The following DIAPH2 variants were observed in gnomAD, a reference collection of about 807,000 sequenced individuals.
DIAPH2 encodes protein diaphanous homolog 2.
Under a neutral mutation model 92.7 loss-of-function variants are expected in DIAPH2, and 35 were observed. The observed-to-expected ratio is 0.38, with a 90% CI of 0.29 to 0.50. The LOEUF (loss-of-function observed/expected upper bound fraction) is 0.50. Among genes scored for constraint, DIAPH2 ranks in the 20% least tolerant of loss-of-function variants. The pLI is 0.94. For missense variants in DIAPH2, 701 were observed against 819.5 expected, an observed-to-expected ratio of 0.86 and a Z score of 1.77; for synonymous variants, 301 against 280.4, an observed-to-expected ratio of 1.07 and a Z score of -0.73.
intron 4 of DIAPH2, among the ~76,000 whole-genome samples, chrX:96,785,475 CT>C (rs1157552270): frequency 0.054 from 3,105 of 57,108 alleles, 39 homozygotes; most frequent in East Asian, 0.11. Flanking sequence ...CCAAACTTGC[CT>C]TTTTTTTTTT....
In DIAPH2 at chrX:97,046,993, G is replaced by A. The variant is rs189198458; in HGVS notation, c.2051-25948G>A. Among the ~76,000 whole-genome samples the A allele has an allele frequency of 4.1e-3, 453 of 111,134 alleles. 1 individual carries two copies. The highest frequency in any genetic ancestry group is 6.8e-3 in the Non-Finnish European group (360 of 52,916). On this transcript the variant is annotated intron_variant, in intron 17 of 26. Coordinates refer to ENST00000324765, the MANE Select transcript of DIAPH2 (RefSeq NM_006729.5). ...ATTGAATGGCAGAGGCTGAATTCAG[G>A]AAAAGATGGAGAAGTTAAACTGAGA...
At chrX:97,365,826 C>T (rs1425177500) in intron 24 of DIAPH2, among the ~76,000 whole-genome samples, 1 of 109,282 alleles carries the variant, frequency 9.2e-6, no homozygotes, top group African/African-American at 3.3e-5. Context: ...CCCAGCCTCC[C>T]AAGTAGCTAG....
intron 4 of DIAPH2, among the ~76,000 whole-genome samples, chrX:96,864,316 C>T (rs1292399567): frequency 3.1e-5 from 3 of 96,723 alleles, no homozygotes. Flanking sequence ...TTTTTAACCA[C>T]ATGGCTTTCC....
chrX:97,192,518 G>C (rs1185735092), intron 22 of DIAPH2, among the ~76,000 whole-genome samples: 2 of 110,745 alleles, frequency 1.8e-5, no homozygotes, highest in Admixed American at 1.9e-4. Flanking sequence ...CTAAAACACT[G>C]TTCTGTGAAC....
intron 21 of DIAPH2, among the ~76,000 whole-genome samples, chrX:97,139,455 TA>T (rs1327517225): frequency 9.5e-6 from 1 of 104,997 alleles, no homozygotes; most frequent in Non-Finnish European, 2.0e-5. Flanking sequence ...TTTTTTTTTT[TA>T]AAAAAAAACA....
At chrX:97,598,856 G>A (rs1187447090) in intron 26 of DIAPH2, among the ~76,000 whole-genome samples, 1 of 112,117 alleles carries the variant, frequency 8.9e-6, no homozygotes, top group Non-Finnish European at 1.9e-5. Context: ...TCCTCTAGAG[G>A]TAGCCAACAT....
At chrX:97,256,869 T>C (rs1365900525) in intron 23 of DIAPH2, among the ~76,000 whole-genome samples, 1 of 110,861 alleles carries the variant, frequency 9.0e-6, no homozygotes, top group Admixed American at 9.7e-5. Flanking sequence ...TTCACCATAT[T>C]AGCCAGGCTG....
At chrX:97,414,721 G>A (rs895001147) in intron 25 of DIAPH2, among the ~76,000 whole-genome samples, 29 of 109,675 alleles carry the variant, frequency 2.6e-4, no homozygotes, top group Non-Finnish European at 5.7e-5. Context: ...TAATCAAGAT[G>A]GATTAAAGAT....
Position 96,932,836 on chromosome X carries a change from A to G in DIAPH2, c.1089+1993A>G, listed in dbSNP as rs924224407. ...TTTGTAATACAAATAATTATGAACT[A>G]TAGTCACTCTATTGTGCTACTGAAC... is the stretch of plus-strand genomic sequence containing the variant. On this transcript the variant is annotated intron_variant, in intron 10 of 26. Coordinates refer to ENST00000324765, the MANE Select transcript of DIAPH2 (RefSeq NM_006729.5). Among the ~76,000 whole-genome samples the G allele has an allele frequency of 2.7e-5, 3 of 111,121 alleles. No individual in the cohort carries two copies. In the Admixed American group the frequency reaches 2.9e-4, roughly 11 times the overall value.
At chrX:97,494,367 A>G (rs773674414) in intron 26 of DIAPH2, among the ~76,000 whole-genome samples, 2 of 110,718 alleles carry the variant, frequency 1.8e-5, no homozygotes, top group Non-Finnish European at 3.8e-5. Context: ...TGACATTCTC[A>G]TTTTGTTGCT....
At chrX:97,267,794 G>C (rs2068350254) in intron 23 of DIAPH2, among the ~76,000 whole-genome samples, 1 of 111,280 alleles carries the variant, frequency 9.0e-6, no homozygotes, top group Admixed American at 9.6e-5. Context: ...AACTCTTTTA[G>C]GGTACCCAGA....
At chrX:97,321,915 A>G (rs2068901776) in intron 23 of DIAPH2, among the ~76,000 whole-genome samples, 1 of 112,128 alleles carries the variant, frequency 8.9e-6, no homozygotes, top group Non-Finnish European at 1.9e-5. Context: ...GCTGAGAATC[A>G]TCTTAGAAAC....
At chrX:97,184,389 A>G (rs1220223649) in intron 22 of DIAPH2, among the ~76,000 whole-genome samples, 1 of 111,878 alleles carries the variant, frequency 8.9e-6, no homozygotes. Flanking sequence ...ATACATATAC[A>G]TGCATATATA....
intron 26 of DIAPH2, among the ~76,000 whole-genome samples, chrX:97,540,123 C>T (rs1289787388): frequency 3.6e-5 from 4 of 111,239 alleles, no homozygotes; most frequent in African/African-American, 1.3e-4. Context: ...GTCTTCTATC[C>T]TTGTCATACT....
chrX:96,965,074 T>A lies in DIAPH2; in HGVS notation c.1936-19T>A. On this transcript the variant is annotated intron_variant, in intron 16 of 26. Transcript: ENST00000324765. ...TGAGGTTATAATTTAGAATCTATTC[T>A]TTGTTATTTTTGTTTCAGATTGAAC... 1 of 1,173,745 alleles carries A rather than the reference T, an allele frequency of 8.5e-7. No individual in the cohort carries two copies. Among genetic ancestry groups the A allele is most frequent in the Non-Finnish European group, 1.1e-6 (1 of 874,247 alleles).
At chrX:96,790,975 G>A (rs1602510113) in intron 4 of DIAPH2, among the ~76,000 whole-genome samples, 2 of 111,422 alleles carry the variant, frequency 1.8e-5, no homozygotes, top group Admixed American at 9.5e-5. Context: ...AGTTTTCATC[G>A]GGAATGGTTA....
intron 26 of DIAPH2, among the ~76,000 whole-genome samples, chrX:97,569,896 A>G (rs1032180127): frequency 9.5e-6 from 1 of 105,036 alleles, no homozygotes; most frequent in African/African-American, 3.4e-5. Flanking sequence ...TCAGTTTCAT[A>G]TCTTTGTTGT....
At chrX:97,050,516 T>C (rs764192230) in intron 17 of DIAPH2, among the ~76,000 whole-genome samples, 4 of 108,537 alleles carry the variant, frequency 3.7e-5, no homozygotes, top group African/African-American at 1.3e-4. Flanking sequence ...GTTTTTTTTT[T>C]TTTTTCCTCT....
intron 23 of DIAPH2, among the ~76,000 whole-genome samples, chrX:97,287,137 C>G (rs1398664714): frequency 9.0e-6 from 1 of 110,939 alleles, no homozygotes; most frequent in South Asian, 3.9e-4. Context: ...GGTGAAACCC[C>G]GTCTCTACTA....
Sources: allele counts gnomAD v4.1 joint callset (sites outside exome capture counted in the v4.1 genomes callset), GRCh38; gene constraint gnomAD v4.1.1; transcripts MANE v1.5; gene names NCBI Gene and HGNC (gene_info 2026-07-23, HGNC 2026-07-21).